The following THRB variants were observed in gnomAD, a reference collection of about 807,000 sequenced individuals.
THRB encodes nuclear receptor subfamily 1 group A member 2.
Under a neutral mutation model 47.8 loss-of-function variants are expected in THRB, and 12 were observed. The observed-to-expected ratio is 0.25, with a 90% CI of 0.16 to 0.41. THRB has a LOEUF of 0.41. Among genes scored for constraint, THRB ranks in the 10% least tolerant of loss-of-function variants. The probability of loss-of-function intolerance (pLI) is 1.00; values close to 1 mark genes in which losing one functional copy is unlikely to be tolerated. For missense variants in THRB, 348 were observed against 589.2 expected (o/e 0.59, Z 4.24); for synonymous variants, 218 against 212.2 (o/e 1.03, Z -0.24).
chr3:24,455,100 G>A (rs1434310005), intron 1 of THRB: 1 of 136,080 alleles, frequency 7.3e-6, no homozygotes, highest in East Asian at 2.2e-4. Context: ...TGGGAATAAG[G>A]ACTTACTTTT....
intron 4 of THRB, among the ~76,000 whole-genome samples, chr3:24,210,439 G>C (rs1233214486): frequency 6.6e-6 from 1 of 151,640 alleles, no homozygotes; most frequent in Non-Finnish European, 1.5e-5. Context: ...GTGGGGCATA[G>C]CTGGCAATAT....
chr3:24,342,193 A>C (rs566505748), intron 1 of THRB, among the ~76,000 whole-genome samples: 2 of 151,428 alleles, frequency 1.3e-5, no homozygotes, highest in East Asian at 3.9e-4. Context: ...TACATAGAAA[A>C]TGGTTTAAAA....
chr3:24,358,781 T>C (rs1356490635), intron 1 of THRB, among the ~76,000 whole-genome samples: 2 of 152,232 alleles, frequency 1.3e-5, no homozygotes, highest in African/African-American at 2.4e-5. Context: ...CATAAGAACA[T>C]CAGAAACCAC....
At chr3:24,390,941 T>C (rs1267771219) in intron 1 of THRB, among the ~76,000 whole-genome samples, 10 of 152,024 alleles carry the variant, frequency 6.6e-5, no homozygotes, top group Admixed American at 5.9e-4. Flanking sequence ...TTTTGGCAGA[T>C]CTAAGGCAGC....
intron 1 of THRB, among the ~76,000 whole-genome samples, chr3:24,481,444 AG>A (rs1696405708): frequency 2.6e-5 from 4 of 152,132 alleles, no homozygotes; most frequent in African/African-American, 9.6e-5. Flanking sequence ...ACATCAGGAA[AG>A]TATTACTCAG....
chr3:24,459,650 G>T (rs557733187), intron 1 of THRB, among the ~76,000 whole-genome samples: 1 of 152,022 alleles, frequency 6.6e-6, no homozygotes, highest in South Asian at 2.1e-4. Flanking sequence ...TTTAATGATC[G>T]TCATTCTAGC....
intron 5 of THRB, among the ~76,000 whole-genome samples, chr3:24,166,158 C>G (rs73823218): frequency 0.017 from 2,604 of 152,236 alleles, 74 homozygotes; most frequent in African/African-American, 0.059. Flanking sequence ...CTGTTCCTTG[C>G]GCATGATTAT....
At chr3:24,160,691 G>T (rs780135469) in intron 5 of THRB, among the ~76,000 whole-genome samples, 6 of 152,172 alleles carry the variant, frequency 3.9e-5, no homozygotes, top group Non-Finnish European at 8.8e-5. Context: ...TAAGATGATG[G>T]GATCATAAAA....
intron 5 of THRB, among the ~76,000 whole-genome samples, chr3:24,174,730 G>A (rs997799980): frequency 2.0e-5 from 3 of 152,074 alleles, no homozygotes; most frequent in Non-Finnish European, 2.9e-5. Context: ...AGTTTCCTGC[G>A]TACAGTGGCC....
At chr3:24,476,868 C>T (rs1350784162) in intron 1 of THRB, among the ~76,000 whole-genome samples, 1 of 152,084 alleles carries the variant, frequency 6.6e-6, no homozygotes, top group African/African-American at 2.4e-5. Context: ...GCTATTTGGA[C>T]ATCTCATTCA....
chr3:24,283,846 T>G (rs2054918352), intron 3 of THRB, among the ~76,000 whole-genome samples: 1 of 151,476 alleles, frequency 6.6e-6, no homozygotes, highest in Admixed American at 6.6e-5. Context: ...ACAAAGAGAA[T>G]AAAATACCTA....
intron 3 of THRB, among the ~76,000 whole-genome samples, chr3:24,267,680 T>A (rs2052804213): frequency 6.6e-6 from 1 of 152,220 alleles, no homozygotes; most frequent in African/African-American, 2.4e-5. Flanking sequence ...TTCAGAATAA[T>A]CCCGGTAGGT....
chr3:24,425,990 A>T (rs563868916), intron 1 of THRB, among the ~76,000 whole-genome samples: 12 of 152,070 alleles, frequency 7.9e-5, no homozygotes, highest in African/African-American at 2.9e-4. Context: ...TTGTCTTGGC[A>T]AAGTTCTTAA....
In THRB at chr3:24,118,244, TA is replaced by T. The variant is rs760970511; in HGVS notation, c.*4639del. On this transcript the variant is annotated 3_prime_UTR_variant, in exon 11 of 11. Transcript: ENST00000646209. Reference sequence around the variant, plus strand: ...TATAAGCTTTTTCTTTTTTAGAATTTAAGCTTATGAGTTTATCTACGCCCAC... The same window carrying T: ...TATAAGCTTTTTCTTTTTTAGAATTTAGCTTATGAGTTTATCTACGCCCAC... The T allele has an allele frequency of 2.0e-5, 3 of 152,636 alleles. No homozygotes were observed. Among genetic ancestry groups the T allele is most frequent in the African/African-American group, 4.8e-5 (2 of 41,434 alleles). The allele number at this position is 152,636 out of a possible 1,614,324, so 9.5% of individuals were successfully genotyped here.
At chr3:24,488,184 GT>G (rs1697592549) in intron 1 of THRB, among the ~76,000 whole-genome samples, 1 of 152,138 alleles carries the variant, frequency 6.6e-6, no homozygotes, top group Admixed American at 6.5e-5. Context: ...CCACACTTTT[GT>G]TTTAATAAAC....
intron 2 of THRB, among the ~76,000 whole-genome samples, chr3:24,304,045 A>ATTT (rs5847281): frequency 6.6e-6 from 1 of 151,076 alleles, no homozygotes; most frequent in African/African-American, 2.4e-5. Context: ...ATTAGCTCAT[A>ATTT]TTTTTTTTTA....
chr3:24,169,150 T>C (rs1171437971), intron 5 of THRB, among the ~76,000 whole-genome samples: 1 of 152,190 alleles, frequency 6.6e-6, no homozygotes, highest in Non-Finnish European at 1.5e-5. Flanking sequence ...CCGCTAAATT[T>C]TAGTTGGGCT....
chr3:24,140,066 A>G (rs2035238683), intron 8 of THRB, among the ~76,000 whole-genome samples: 1 of 152,222 alleles, frequency 6.6e-6, no homozygotes, highest in Non-Finnish European at 1.5e-5. Context: ...GCTGTCTTTA[A>G]GTAAAGATTC....
rs188305130 is a variant in THRB, at chr3:24,374,463, C to A, written c.-260-37092G>T. On this transcript the variant is annotated intron_variant, in intron 1 of 10. Coordinates refer to ENST00000646209, the MANE Select transcript of THRB (RefSeq NM_001354712.2). Reference sequence around the variant, plus strand: ...ATTTAGCTATATGTTTGCTTATGTACGTGTATTTACAATGTTGTTTTAAAG... The same window carrying A: ...ATTTAGCTATATGTTTGCTTATGTAAGTGTATTTACAATGTTGTTTTAAAG... Among the ~76,000 whole-genome samples, 4 of 152,022 alleles carry A rather than the reference C, an allele frequency of 2.6e-5. No homozygotes were observed. In the East Asian group the frequency reaches 5.8e-4, roughly 22 times the overall value.
Sources: gnomAD v4.1 joint callset for allele counts (sites outside exome capture counted in the v4.1 genomes callset) on GRCh38, gnomAD v4.1.1 for gene constraint, MANE v1.5 for transcripts, NCBI Gene and HGNC (gene_info 2026-07-23, HGNC 2026-07-21) for gene names.